ABCA4: variants seen among roughly 807,000 people sequenced by gnomAD.
ABCA4 encodes retinal-specific phospholipid-transporting ATPase ABCA4.
ABCA4 carries 196 observed loss-of-function variants against 263.7 expected under a neutral mutation model. The ratio of observed to expected loss-of-function variants is 0.74; its 90% CI spans 0.66 to 0.84. The LOEUF (loss-of-function observed/expected upper bound fraction) is 0.84. Among genes scored for constraint, ABCA4 ranks in the 40% least tolerant of loss-of-function variants. The pLI is 0.00. For synonymous variants in ABCA4, 1,133 were observed against 1,094.2 expected (o/e 1.04, Z -0.70); for missense variants, 2,792 against 2,855.1 (o/e 0.98, Z 0.50).
At chr1:94,001,618 C>A (rs1186545459) in intron 45 of ABCA4, 2 of 678,214 alleles carry the variant, frequency 2.9e-6, no homozygotes, top group Non-Finnish European at 5.3e-6. Context: ...CCACAGGAGA[C>A]ATCCTGGGAA....
intron 11 of ABCA4, 149 bp from the exon 12 acceptor site, chr1:94,063,466 A>G (rs1661184899): frequency 2.4e-6 from 2 of 824,908 alleles, no homozygotes; most frequent in Admixed American, 4.0e-5. Flanking sequence ...GCTTAACTCC[A>G]GAGTCTGGTG....
At chr1:94,055,413 G>C (rs1392871531) in intron 15 of ABCA4, 98 bp from the exon 16 acceptor site, 1 of 1,218,442 alleles carries the variant, frequency 8.2e-7, no homozygotes, top group Non-Finnish European at 1.2e-6. Context: ...GGCCAAAAGA[G>C]GGTCCCCATT....
chr1:94,106,975 G>C (rs888613285), intron 4 of ABCA4, among the ~76,000 whole-genome samples: 2 of 152,202 alleles, frequency 1.3e-5, no homozygotes, highest in Admixed American at 1.3e-4. Flanking sequence ...CACCCCCAGA[G>C]ACTAGCCCAG....
At chr1:94,056,523 C>A (rs927586489) in intron 15 of ABCA4, 78 bp downstream of exon 15, 1 of 1,464,394 alleles carries the variant, frequency 6.8e-7, no homozygotes, top group Non-Finnish European at 9.4e-7. Flanking sequence ...CCTCAGAGGG[C>A]AGGCTGGGCC....
chr1:94,008,263 C>T lies in ABCA4; in HGVS notation c.5870G>A (p.Arg1957Lys). The T allele has an allele frequency of 6.2e-7, 1 of 1,614,140 alleles. No individual in the cohort carries two copies. Among genetic ancestry groups the T allele is most frequent in the South Asian group, 1.1e-5 (1 of 91,074 alleles). Residue 1957 changes from arginine (R) to lysine (K), a missense_variant, in exon 42 of 50, where the codon AGG (arginine) becomes AAG (lysine). Physicochemically the swap from Arg to Lys is conservative, Grantham distance 26 (BLOSUM62 2). Coordinates refer to ENST00000370225, the MANE Select transcript of ABCA4 (RefSeq NM_000350.3). The part of the protein sequence containing the change: ...YPGTSSPAVD[R>K]LCVGVRPGEC... Reference sequence around the variant, plus strand: ...TCCAGGGCGAACTCCGACACACAGCCTGTCCACTGCTGGGCTGGAGGTGCC... The same window carrying T: ...TCCAGGGCGAACTCCGACACACAGCTTGTCCACTGCTGGGCTGGAGGTGCC...
chr1:94,062,870 A>G (rs1451673939), intron 12 of ABCA4, 117 bp from the exon 13 acceptor site: 3 of 1,203,902 alleles, frequency 2.5e-6, no homozygotes, highest in Admixed American at 2.0e-5. Flanking sequence ...AAACGCTTCA[A>G]AAGGATCCAA....
At chr1:94,060,829 T>C in intron 13 of ABCA4, 70 bp from the exon 14 acceptor site, 2 of 1,279,490 alleles carry the variant, frequency 1.6e-6, no homozygotes, top group Non-Finnish European at 2.2e-6. Context: ...AAATGTTTGT[T>C]GAATGAATGT....
Position 94,060,542 on chromosome 1 carries a change from T to G in ABCA4, c.2155A>C (p.Ile719Leu), listed in dbSNP as rs768056773. ...SMSIFLLTIF[I>L]MHGRILHYSD... The stretch of plus-strand genomic sequence containing the variant: ...GCCTTCTCCATTTGGCTTACCATGA[T>G]GAATATCGTCAGGAGGAAGATGCTC... The change falls in exon 14 of 50, where the codon ATC becomes CTC. Residue 719 changes from isoleucine (I) to leucine (L), a missense_variant. By Grantham distance (5) the Ile-to-Leu change is conservative. Transcript: ENST00000370225. The G allele has an allele frequency of 6.2e-7, 1 of 1,613,776 alleles. No homozygotes were observed. The highest frequency in any genetic ancestry group is 8.5e-7 in the Non-Finnish European group (1 of 1,179,974).
At position 94,083,521 on chromosome 1, in the gene ABCA4, T is replaced by C; in HGVS notation, c.769-80A>G. The C allele has an allele frequency of 4.5e-6, 5 of 1,105,382 alleles. No individual in the cohort carries two copies. The South Asian group carries it at 6.8e-5, about 15-fold the overall frequency. The allele number at this position is 1,105,382 out of a possible 1,614,324, so 68.5% of individuals were successfully genotyped here. ...CACACATAGGCACAGTCTGATCTCC[T>C]ATATGTTTGAAAACTCCCCCCCTCC... On this transcript the variant is annotated intron_variant, in intron 6 of 49. Transcript: ENST00000370225.
chr1:93,998,071 G>T lies in ABCA4; in HGVS notation c.6519C>A (p.Ser2173=). Residue 2173 remains serine (S), a synonymous_variant, in exon 48 of 50, where the codon TCC becomes TCA. Transcript: ENST00000370225. ...DGYIVTMKIK[S]PKDDLLPDLN... The stretch of plus-strand genomic sequence containing the variant: ...GGTCAGGAAGCAGGTCGTCCTTCGG[G>T]GATTTGATCTTCATTGTGACGATAT... 6.2e-7 allele frequency: 1 copy of T among 1,614,154 alleles called. No individual in the cohort carries two copies. Among genetic ancestry groups the T allele is most frequent in the Admixed American group, 1.7e-5 (1 of 60,032 alleles).
Position 94,041,313 on chromosome 1 carries a change from A to C in ABCA4, c.3418T>G (p.Cys1140Gly). The change falls in exon 23 of 50, where the codon TGC becomes GGC. Residue 1140 changes from cysteine to glycine, a missense_variant. Cys to Gly is a radical substitution (Grantham distance 159). Coordinates refer to ENST00000370225, the MANE Select transcript of ABCA4 (RefSeq NM_000350.3). The part of the protein sequence containing the change: ...IAIIAQGRLY[C>G]SGTPLFLKNC... ...TTCAGGAAGAGTGGGGTGCCTGAGC[A>C]GTAGAGCCTTCCCTGGGCAATGATG... 1 of 1,614,160 alleles carries C rather than the reference A, an allele frequency of 6.2e-7. No individual in the cohort carries two copies. The highest frequency in any genetic ancestry group is 8.5e-7 in the Non-Finnish European group (1 of 1,180,018).
At position 94,014,706 on chromosome 1, in the gene ABCA4, C is replaced by G; in HGVS notation, c.5313-16G>C. 6.2e-7 allele frequency: 1 copy of G among 1,614,088 alleles called. No individual in the cohort carries two copies. Among genetic ancestry groups the G allele is most frequent in the Non-Finnish European group, 8.5e-7 (1 of 1,179,992 alleles). On this transcript the variant is annotated splice_polypyrimidine_tract_variant and intron_variant, in intron 37 of 49. Coordinates refer to ENST00000370225, the MANE Select transcript of ABCA4 (RefSeq NM_000350.3). ...GACCGCCCATCTGTGTGAAATGAGA[C>G]AACTCAGAGTGATGGAGTTCCACAT...
In ABCA4 at chr1:94,018,208, TACAC is replaced by T. The variant is rs3838274; in HGVS notation, c.5196+1370_5196+1373del. On this transcript the variant is annotated intron_variant, in intron 36 of 49. Transcript: ENST00000370225. ...GCGCACACGCGCGTGCGTGCACACA[TACAC>T]ACACACAGAAACACGTGGGCCAGCC... Among the ~76,000 whole-genome samples the T allele has an allele frequency of 2.6e-4, 39 of 152,262 alleles. No individual in the cohort carries two copies. The East Asian group carries it at 6.2e-3, about 24-fold the overall frequency.
intron 36 of ABCA4, chr1:94,018,632 A>G (rs548910695): frequency 1.8e-5 from 8 of 454,534 alleles, no homozygotes; most frequent in African/African-American, 1.4e-4. Context: ...ATCAGTTGGT[A>G]TATCTTATCA....
chr1:94,086,132 G>A (rs1661819335), intron 6 of ABCA4, among the ~76,000 whole-genome samples: 1 of 152,172 alleles, frequency 6.6e-6, no homozygotes, highest in Non-Finnish European at 1.5e-5. Context: ...TGGGCACTCA[G>A]TATTTGATGT....
At position 94,041,343 on chromosome 1, in the gene ABCA4, T is replaced by G; in HGVS notation, c.3388A>C (p.Ile1130Leu). Reference sequence around the variant, plus strand: ...AGCCTTCCCTGGGCAATGATGGCAATGCGGTCCCCAAGGAGGTCGGCCTCG... The same window carrying G: ...AGCCTTCCCTGGGCAATGATGGCAAGGCGGTCCCCAAGGAGGTCGGCCTCG... Reference protein sequence around the residue: ...MDEADLLGDRIAIIAQGRLYC... With the variant: ...MDEADLLGDRLAIIAQGRLYC... Residue 1130 changes from isoleucine to leucine, a missense_variant, in exon 23 of 50, where the codon ATT (isoleucine) becomes CTT (leucine). Physicochemically the swap from Ile to Leu is conservative, Grantham distance 5. Transcript: ENST00000370225. 1 of 1,614,122 alleles carries G rather than the reference T, an allele frequency of 6.2e-7. No individual in the cohort carries two copies. The highest frequency in any genetic ancestry group is 8.5e-7 in the Non-Finnish European group (1 of 1,180,018).
Position 94,098,743 on chromosome 1 carries a change from C to G in ABCA4, c.768+51G>C. ...CCCAAGGTCAATTCGTGAGGCTCTGCTACCCCAGGAATCACCTTGCAATTG... is the reference window on the plus strand; with the variant it reads ...CCCAAGGTCAATTCGTGAGGCTCTGGTACCCCAGGAATCACCTTGCAATTG... On this transcript the variant is annotated intron_variant, in intron 6 of 49. Transcript: ENST00000370225. The G allele has an allele frequency of 5.0e-6, 8 of 1,599,358 alleles. No individual in the cohort carries two copies. In the South Asian group the frequency reaches 7.7e-5, roughly 15 times the overall value.
chr1:94,014,819 CA>C (rs1659678499), intron 37 of ABCA4, 129 bp from the exon 38 acceptor site: 8 of 1,154,986 alleles, frequency 6.9e-6, no homozygotes, highest in Admixed American at 1.8e-5. Flanking sequence ...CCCAGGGGAC[CA>C]GAGAGATACT....
At position 94,006,667 on chromosome 1, in the gene ABCA4, G is replaced by A. The variant is rs539801777; in HGVS notation, c.6005+967C>T. Among the ~76,000 whole-genome samples the A allele has an allele frequency of 2.0e-5, 3 of 152,308 alleles. No homozygotes were observed. The South Asian group carries it at 6.2e-4, about 32-fold the overall frequency. Reference sequence around the variant, plus strand: ...GTCCCTTTTCTGTAAACCCAGTAGGGCTGGCTATGGAGGCCAAAGAATCAA... The same window carrying A: ...GTCCCTTTTCTGTAAACCCAGTAGGACTGGCTATGGAGGCCAAAGAATCAA... On this transcript the variant is annotated intron_variant, in intron 43 of 49. Transcript: ENST00000370225.
Sources: allele counts gnomAD v4.1 joint callset (sites outside exome capture counted in the v4.1 genomes callset), GRCh38; gene constraint gnomAD v4.1.1; transcripts MANE v1.5; gene names NCBI Gene and HGNC (gene_info 2026-07-23, HGNC 2026-07-21).